Variants in AGBL4 observed in about 807,000 individuals in gnomAD.
AGBL4 encodes cytosolic carboxypeptidase 6.
Under a neutral mutation model 66.4 loss-of-function variants are expected in AGBL4, and 58 were observed. The observed-to-expected ratio is 0.87, with a 90% CI of 0.71 to 1.09. The LOEUF (loss-of-function observed/expected upper bound fraction) is 1.09. AGBL4 is among the 50% of genes least tolerant of loss of function. AGBL4 has a pLI of 0.00. For missense variants in AGBL4, 579 were observed against 631.0 expected (o/e 0.92, Z 0.88); for synonymous variants, 234 against 222.9 (o/e 1.05, Z -0.44).
chr1:49,977,871 C>T (rs1658704621), intron 1 of AGBL4, among the ~76,000 whole-genome samples: 1 of 152,156 alleles, frequency 6.6e-6, no homozygotes, highest in Admixed American at 6.5e-5. Context: ...ATTCTCTAGG[C>T]CTGCTGCCTA....
At chr1:49,687,543 G>A (rs1396211788) in intron 3 of AGBL4, among the ~76,000 whole-genome samples, 1 of 151,984 alleles carries the variant, frequency 6.6e-6, no homozygotes, top group Non-Finnish European at 1.5e-5. Flanking sequence ...AGGCCGAGGG[G>A]GACGGATCAC....
intron 5 of AGBL4, among the ~76,000 whole-genome samples, chr1:48,902,562 A>G (rs1236702846): frequency 2.6e-5 from 4 of 152,112 alleles, no homozygotes; most frequent in Non-Finnish European, 4.4e-5. Context: ...AAAGGATGAA[A>G]TCTAGATTTT....
chr1:49,769,292 A>G (rs927476194), intron 2 of AGBL4, among the ~76,000 whole-genome samples: 2 of 152,172 alleles, frequency 1.3e-5, no homozygotes, highest in Admixed American at 1.3e-4. Context: ...AATATCTCTG[A>G]ACACTGCTGA....
At chr1:49,687,493 A>C (rs906991204) in intron 3 of AGBL4, among the ~76,000 whole-genome samples, 7 of 152,140 alleles carry the variant, frequency 4.6e-5, no homozygotes, top group Admixed American at 2.0e-4. Flanking sequence ...AAATATGGGC[A>C]GAGCACAACG....
chr1:48,620,405 T>C (rs1380310421), intron 9 of AGBL4, among the ~76,000 whole-genome samples: 1 of 152,070 alleles, frequency 6.6e-6, no homozygotes, highest in East Asian at 1.9e-4. Flanking sequence ...GCCTCCCTAG[T>C]ATCTAGGACT....
chr1:49,802,124 C>T (rs1644874642), intron 2 of AGBL4, among the ~76,000 whole-genome samples: 2 of 152,126 alleles, frequency 1.3e-5, no homozygotes, highest in African/African-American at 4.8e-5. Flanking sequence ...GATGTGCTTC[C>T]CCCTGCAGAG....
Position 48,541,724 on chromosome 1 carries a change from G to A in AGBL4, c.1268-1986C>T, listed in dbSNP as rs577049242. 1.1e-4 allele frequency among the ~76,000 whole-genome samples: 17 copies of A among 152,210 alleles called. No homozygotes were observed. The East Asian group carries it at 1.5e-3, about 14-fold the overall frequency. On this transcript the variant is annotated intron_variant, in intron 11 of 13. Coordinates refer to ENST00000371839, the MANE Select transcript of AGBL4 (RefSeq NM_032785.4). The stretch of plus-strand genomic sequence containing the variant: ...ACGGAGGTTGCAGTGAGCCAGGATC[G>A]CACCATTGCATTCCAGCCTGGGCAA...
In AGBL4 at chr1:48,534,149, A is replaced by G; in HGVS notation, c.*24T>C. Reference sequence around the variant, plus strand: ...AGAAAATGCATGCTCCTGTCCCCATAAGACCTCCCAGGACTCCGTGTCTTT... The same window carrying G: ...AGAAAATGCATGCTCCTGTCCCCATGAGACCTCCCAGGACTCCGTGTCTTT... On this transcript the variant is annotated 3_prime_UTR_variant, in exon 14 of 14. Coordinates refer to ENST00000371839, the MANE Select transcript of AGBL4 (RefSeq NM_032785.4). 1.9e-6 allele frequency: 3 copies of G among 1,551,320 alleles called. No homozygotes were observed. The highest frequency in any genetic ancestry group is 2.6e-6 in the Non-Finnish European group (3 of 1,146,766).
At chr1:49,371,269 A>C (rs1644339190) in intron 3 of AGBL4, among the ~76,000 whole-genome samples, 1 of 151,922 alleles carries the variant, frequency 6.6e-6, no homozygotes, top group African/African-American at 2.4e-5. Flanking sequence ...ACATACATAC[A>C]TACATACATA....
intron 5 of AGBL4, among the ~76,000 whole-genome samples, chr1:48,951,089 A>G (rs556966088): frequency 4.9e-4 from 74 of 152,320 alleles, no homozygotes; most frequent in Admixed American, 2.9e-3. Flanking sequence ...AGAGAGGGGA[A>G]GTAACTAGAC....
At chr1:49,678,850 C>A (rs1646631305) in intron 3 of AGBL4, among the ~76,000 whole-genome samples, 1 of 151,986 alleles carries the variant, frequency 6.6e-6, no homozygotes. Flanking sequence ...TTTGGAATTT[C>A]CTAAAATTTT....
At chr1:50,013,049 T>C (rs992523672) in intron 1 of AGBL4, among the ~76,000 whole-genome samples, 1 of 152,170 alleles carries the variant, frequency 6.6e-6, no homozygotes, top group Non-Finnish European at 1.5e-5. Context: ...ATATATACAG[T>C]ACTTCAGTTG....
intron 11 of AGBL4, among the ~76,000 whole-genome samples, chr1:48,573,835 CTTA>C (rs1374472572): frequency 6.6e-6 from 1 of 152,142 alleles, no homozygotes; most frequent in Non-Finnish European, 1.5e-5. Flanking sequence ...TTATTGAGTG[CTTA>C]TTATGTTCCA....
At chr1:48,955,791 T>A (rs1657403238) in intron 5 of AGBL4, among the ~76,000 whole-genome samples, 3 of 152,148 alleles carry the variant, frequency 2.0e-5, no homozygotes. Flanking sequence ...TGGGAAAAAG[T>A]TTTAGCCTCC....
At chr1:49,791,488 C>A (rs1644598138) in intron 2 of AGBL4, among the ~76,000 whole-genome samples, 2 of 152,040 alleles carry the variant, frequency 1.3e-5, no homozygotes, top group Non-Finnish European at 2.9e-5. Flanking sequence ...CTGCCTATAT[C>A]TCTTCAATGG....
At chr1:48,902,975 G>T (rs1266972995) in intron 5 of AGBL4, among the ~76,000 whole-genome samples, 1 of 152,100 alleles carries the variant, frequency 6.6e-6, no homozygotes, top group East Asian at 1.9e-4. Flanking sequence ...CCTGGACTTA[G>T]CTCCAGATAT....
rs530451794 is a variant in AGBL4, at chr1:48,561,987, A to G, written c.1268-22249T>C. On this transcript the variant is annotated intron_variant, in intron 11 of 13. Transcript: ENST00000371839. ...TATATGAAAGCAGGACCAATAGGTG[A>G]TATATAGATGTAGATATGGATATAG... Among the ~76,000 whole-genome samples, 121 of 152,310 alleles carry G rather than the reference A, an allele frequency of 7.9e-4. 1 individual carries two copies. The highest frequency in any genetic ancestry group is 2.8e-3 in the African/African-American group (118 of 41,570).
At chr1:49,213,718 C>G (rs1279793042) in intron 4 of AGBL4, among the ~76,000 whole-genome samples, 2 of 152,080 alleles carry the variant, frequency 1.3e-5, no homozygotes, top group African/African-American at 4.8e-5. Context: ...ATATAATATA[C>G]AAGAAACTCA....
chr1:48,772,158 C>T (rs890064522), intron 6 of AGBL4, among the ~76,000 whole-genome samples: 4 of 152,208 alleles, frequency 2.6e-5, no homozygotes, highest in Non-Finnish European at 5.9e-5. Flanking sequence ...GAGGAGTTCC[C>T]TGTCAGGCAG....
Sources: gnomAD v4.1 joint callset for allele counts (sites outside exome capture counted in the v4.1 genomes callset) on GRCh38, gnomAD v4.1.1 for gene constraint, MANE v1.5 for transcripts, NCBI Gene and HGNC (gene_info 2026-07-23, HGNC 2026-07-21) for gene names.